The following MAP7 variants were observed in gnomAD, a reference collection of about 807,000 sequenced individuals.
MAP7 encodes microtubule associated protein 7, also known as ensconsin.
A neutral mutation model predicts 94.8 loss-of-function variants in MAP7; 52 were observed. The ratio of observed to expected loss-of-function variants is 0.55; its 90% CI spans 0.44 to 0.69. MAP7 has a LOEUF of 0.69. Among genes scored for constraint, MAP7 ranks in the 30% least tolerant of loss-of-function variants. The pLI is 0.00. For missense variants in MAP7, 940 were observed against 964.6 expected (o/e 0.97, Z 0.34); for synonymous variants, 350 against 357.0 (o/e 0.98, Z 0.22).
intron 1 of MAP7, among the ~76,000 whole-genome samples, chr6:136,453,356 T>C (rs1017779379): frequency 6.6e-6 from 1 of 152,238 alleles, no homozygotes; most frequent in Admixed American, 6.5e-5. Context: ...GAACATCCTA[T>C]GTCATTAATT....
intron 1 of MAP7, among the ~76,000 whole-genome samples, chr6:136,470,670 T>C (rs1808673151): frequency 6.6e-6 from 1 of 152,088 alleles, no homozygotes; most frequent in East Asian, 1.9e-4. Flanking sequence ...CACAAAGAAT[T>C]GTGTCCTTCT....
At chr6:136,501,535 A>C (rs138663938) in intron 1 of MAP7, among the ~76,000 whole-genome samples, 4 of 152,274 alleles carry the variant, frequency 2.6e-5, no homozygotes, top group African/African-American at 9.6e-5. Flanking sequence ...TACTAACTAA[A>C]TATTATAATG....
chr6:136,458,867 A>T (rs1222728350), intron 1 of MAP7, among the ~76,000 whole-genome samples: 1 of 152,120 alleles, frequency 6.6e-6, no homozygotes, highest in Non-Finnish European at 1.5e-5. Flanking sequence ...TGAGCATGAC[A>T]TCAAAAACAC....
rs563797996 is a variant in MAP7 at position 136,500,950 on chromosome 6, A to G, written c.67+49392T>C. ...CAAATCATTGGGAAGATGCACAGAA[A>G]AAGACGGAAAAAAAATACATCCACA... On this transcript the variant is annotated intron_variant, in intron 1 of 17. Coordinates refer to ENST00000354570, the MANE Select transcript of MAP7 (RefSeq NM_003980.6). 2.8e-3 allele frequency among the ~76,000 whole-genome samples: 425 copies of G among 149,480 alleles called. 3 individuals are homozygous for G. Among genetic ancestry groups the G allele is most frequent in the African/African-American group, 9.8e-3 (405 of 41,350 alleles).
At chr6:136,470,480 A>T (rs1808599211) in intron 1 of MAP7, among the ~76,000 whole-genome samples, 1 of 152,090 alleles carries the variant, frequency 6.6e-6, no homozygotes, top group Admixed American at 6.6e-5. Context: ...GTGTGTGGTA[A>T]GAACACAAGA....
intron 3 of MAP7, 68 bp from the exon 4 acceptor site, chr6:136,389,585 G>C (rs1780134296): frequency 4.8e-6 from 7 of 1,457,462 alleles, no homozygotes; most frequent in Non-Finnish European, 6.6e-6. Context: ...AACTTGAATA[G>C]TTAGGGCTGT....
chr6:136,407,071 A>C (rs1785849120), intron 3 of MAP7, among the ~76,000 whole-genome samples: 1 of 152,246 alleles, frequency 6.6e-6, no homozygotes, highest in Non-Finnish European at 1.5e-5. Flanking sequence ...GATTATACAT[A>C]GTGAAGTGTT....
chr6:136,466,877 G>C, intron 1 of MAP7: 1 of 1,525,886 alleles, frequency 6.6e-7, no homozygotes, highest in Non-Finnish European at 8.8e-7. Context: ...CCAAATATCA[G>C]TGAAGGGGCC....
chr6:136,393,523 G>A (rs1781385329), intron 3 of MAP7, among the ~76,000 whole-genome samples: 1 of 152,144 alleles, frequency 6.6e-6, no homozygotes, highest in Non-Finnish European at 1.5e-5. Flanking sequence ...GATGGCATTT[G>A]GAGAAACGCT....
At chr6:136,421,409 A>C in intron 2 of MAP7, among the ~76,000 whole-genome samples, 1 of 152,252 alleles carries the variant, frequency 6.6e-6, no homozygotes, top group Non-Finnish European at 1.5e-5. Flanking sequence ...GTGCATCCAC[A>C]TACACCATCT....
intron 1 of MAP7, among the ~76,000 whole-genome samples, chr6:136,507,162 C>T (rs943560610): frequency 2.0e-5 from 3 of 151,988 alleles, no homozygotes; most frequent in African/African-American, 4.8e-5. Context: ...GAAAAGTAAT[C>T]CCTGCTCCCC....
intron 5 of MAP7, among the ~76,000 whole-genome samples, chr6:136,384,405 T>C (rs1196031294): frequency 1.3e-5 from 2 of 152,224 alleles, no homozygotes; most frequent in Non-Finnish European, 2.9e-5. Flanking sequence ...TCTGTGCTTA[T>C]GAGTTAGTGT....
At chr6:136,368,748 T>C (rs921431146) in intron 8 of MAP7, among the ~76,000 whole-genome samples, 5 of 150,722 alleles carry the variant, frequency 3.3e-5, no homozygotes, top group African/African-American at 1.2e-4. Context: ...TGAAAGAAAT[T>C]AAAGGCAACA....
At chr6:136,379,209 TG>T (rs1398672003) in intron 6 of MAP7, among the ~76,000 whole-genome samples, 7 of 151,498 alleles carry the variant, frequency 4.6e-5, no homozygotes, top group Admixed American at 1.3e-4. Context: ...AGCCATATAC[TG>T]CTAAACATTG....
chr6:136,372,465 C>T, intron 8 of MAP7, 36 bp downstream of exon 8: 6 of 1,612,270 alleles, frequency 3.7e-6, no homozygotes, highest in Non-Finnish European at 5.1e-6. Context: ...AGCACTGGCT[C>T]CCAGACTTGC....
At chr6:136,394,821 T>C (rs1314090832) in intron 3 of MAP7, among the ~76,000 whole-genome samples, 5 of 149,824 alleles carry the variant, frequency 3.3e-5, no homozygotes, top group Admixed American at 6.7e-5. Flanking sequence ...GAACATGCAA[T>C]ATTTGTCTTT....
At chr6:136,421,094 A>C (rs1203731875) in intron 2 of MAP7, among the ~76,000 whole-genome samples, 1 of 152,212 alleles carries the variant, frequency 6.6e-6, no homozygotes, top group African/African-American at 2.4e-5. Context: ...TGTCGGTTCA[A>C]TTGTTTGTAT....
At chr6:136,426,189 T>C (rs1407400823) in intron 1 of MAP7, among the ~76,000 whole-genome samples, 1 of 152,244 alleles carries the variant, frequency 6.6e-6, no homozygotes, top group Non-Finnish European at 1.5e-5. Flanking sequence ...GCTCATGTAT[T>C]TCTGCTATCA....
In MAP7 at chr6:136,451,794, G is replaced by C. The variant is rs1002516288; in HGVS notation, c.68-29995C>G. ...GATTCCAAACCTCATGGATGATTGAGGGGATCAAGACTTCAGTGGAGGTTA... is the reference window on the plus strand; with the variant it reads ...GATTCCAAACCTCATGGATGATTGACGGGATCAAGACTTCAGTGGAGGTTA... On this transcript the variant is annotated intron_variant, in intron 1 of 17. Coordinates refer to ENST00000354570, the MANE Select transcript of MAP7 (RefSeq NM_003980.6). 3.3e-5 allele frequency among the ~76,000 whole-genome samples: 5 copies of C among 152,310 alleles called. No individual in the cohort carries two copies. In the East Asian group the frequency reaches 9.6e-4, roughly 29 times the overall value.
Sources: allele counts gnomAD v4.1 joint callset (sites outside exome capture counted in the v4.1 genomes callset), GRCh38; gene constraint gnomAD v4.1.1; transcripts MANE v1.5; gene names NCBI Gene and HGNC (gene_info 2026-07-23, HGNC 2026-07-21).